The following LRP1 variants were observed in gnomAD, a reference collection of about 807,000 sequenced individuals.
The protein encoded by LRP1 is prolow-density lipoprotein receptor-related protein 1.
LRP1 carries 51 observed loss-of-function variants against 541.5 expected under a neutral mutation model. That is an observed-to-expected ratio of 0.09 (90% CI 0.08 to 0.12). The LOEUF is 0.12. LRP1 is among the 10% of genes least tolerant of loss of function. The pLI, the probability that LRP1 is intolerant of heterozygous loss-of-function variation, is 1.00. For synonymous variants in LRP1, 2,219 were observed against 2,470.8 expected, an observed-to-expected ratio of 0.90 and a Z score of 3.02; for missense variants, 3,878 against 6,376.2, an observed-to-expected ratio of 0.61 and a Z score of 13.34.
rs755512046 is a variant in LRP1 at position 57,202,414 on chromosome 12, C to T, written c.10595-7C>T. 24 of 1,606,688 alleles carry T rather than the reference C, an allele frequency of 1.5e-5. No homozygotes were observed. The highest frequency in any genetic ancestry group is 2.0e-5 in the Non-Finnish European group (23 of 1,173,834). On this transcript the variant is annotated splice_polypyrimidine_tract_variant and splice_region_variant and intron_variant, in intron 67 of 88. Transcript: ENST00000243077. ...TCCCTGACTGCCCTGACACTTGCCT[C>T]CTCCAGATGAACGCACCTGTGAGCC...
At chr12:57,148,974 T>A in intron 6 of LRP1, 2 of 622,294 alleles carry the variant, frequency 3.2e-6, no homozygotes, top group South Asian at 3.7e-5. Flanking sequence ...TTTATTTATT[T>A]TTTTAGTGTG....
Position 57,205,206 on chromosome 12 carries a change from C to T in LRP1, c.11292C>T (p.Phe3764=), listed in dbSNP as rs1435480741. The T allele has an allele frequency of 9.3e-6, 15 of 1,613,776 alleles. No individual in the cohort carries two copies. Among genetic ancestry groups the T allele is most frequent in the East Asian group, 4.5e-5 (2 of 44,890 alleles). The part of the protein sequence containing the change: ...CLSSSLRCNM[F]DDCGDGSDEE... ...CCTCCTCCCTGCGCTGCAACATGTT[C>T]GATGACTGCGGGGACGGCTCTGACG... Residue 3764 remains phenylalanine (F), a synonymous_variant, in exon 73 of 89, where the codon TTC becomes TTT. Transcript: ENST00000243077. This position sits in a 1 kb window ranked among gnomAD's most constrained non-coding sequence, Gnocchi z 4.6.
Position 57,183,916 on chromosome 12 carries a change from A to G in LRP1, c.5929+7A>G, listed in dbSNP as rs1302359004. 6.2e-7 allele frequency: 1 copy of G among 1,613,948 alleles called. No homozygotes were observed. The highest frequency in any genetic ancestry group is 2.2e-5 in the East Asian group (1 of 44,888). Reference sequence around the variant, plus strand: ...GCAGTGGACTGGATCGCAGGTGAGCAGTGGGCAGGTTTGTGGGGCTTGGGG... The same window carrying G: ...GCAGTGGACTGGATCGCAGGTGAGCGGTGGGCAGGTTTGTGGGGCTTGGGG... On this transcript the variant is annotated splice_region_variant and intron_variant, in intron 36 of 88. Transcript: ENST00000243077. The surrounding 1 kb of genome is among the most constrained non-coding windows in gnomAD (Gnocchi z 6.1).
intron 53 of LRP1, 38 bp from the exon 54 acceptor site, chr12:57,195,825 G>C (rs201390934): frequency 1.9e-6 from 3 of 1,614,018 alleles, no homozygotes. Flanking sequence ...CCTCTGCCGG[G>C]CCAGGGCATC....
At position 57,210,156 on chromosome 12, in the gene LRP1, GC is replaced by G. The variant is rs757410385; in HGVS notation, c.12575del (p.Pro4192GlnfsTer150). Reference protein sequence around the residue: ...GTCVPVPSPTPPPDAPRPGTC... With the variant: ...GTCVPVPSPTXPPDAPRPGTC... ...CATGCGTGCCTGTGCCCTCTCCAAC[GC>G]CCCCCCCAGATGGTATGCTTATGCC... On this transcript the variant is annotated frameshift_variant, in exon 81 of 89. Coordinates refer to ENST00000243077, the MANE Select transcript of LRP1 (RefSeq NM_002332.3). LOFTEE classifies it high-confidence loss of function. 1.4e-5 allele frequency: 22 copies of G among 1,598,128 alleles called. No individual in the cohort carries two copies. The highest frequency in any genetic ancestry group is 5.1e-5 in the Admixed American group (3 of 58,666).
intron 67 of LRP1, 164 bp downstream of exon 67, chr12:57,202,069 G>T: frequency 1.2e-6 from 1 of 869,176 alleles, no homozygotes; most frequent in Non-Finnish European, 1.8e-6. Flanking sequence ...GGCCTGGCTG[G>T]AGCTCACTTC....
chr12:57,200,356 CT>C (rs2036622897), intron 62 of LRP1, 85 bp from the exon 63 acceptor site: 3 of 883,646 alleles, frequency 3.4e-6, no homozygotes, highest in Non-Finnish European at 5.6e-6. Context: ...GCCTCAACTT[CT>C]TTGAAACATC....
intron 15 of LRP1, 144 bp downstream of exon 15, chr12:57,163,127 G>C: frequency 3.2e-6 from 4 of 1,235,618 alleles, no homozygotes; most frequent in Non-Finnish European, 2.2e-6. Flanking sequence ...AAGCAAGGGA[G>C]GGGGAGAGCA....
intron 22 of LRP1, 97 bp downstream of exon 22, chr12:57,174,077 C>A: frequency 7.8e-7 from 1 of 1,288,850 alleles, no homozygotes; most frequent in Non-Finnish European, 1.1e-6. Context: ...GAGAGAGCAG[C>A]TCTGGCAGCC....
chr12:57,175,965 C>A lies in LRP1; in HGVS notation c.3850C>A (p.Leu1284Ile), dbSNP rs748808744. 1 of 1,614,270 alleles carries A rather than the reference C, an allele frequency of 6.2e-7. No individual in the cohort carries two copies. Among genetic ancestry groups the A allele is most frequent in the South Asian group, 1.1e-5 (1 of 91,088 alleles). Residue 1284 changes from leucine (L) to isoleucine (I), a missense_variant, in exon 24 of 89, where the codon CTT (leucine) becomes ATT (isoleucine). This residue lies in a region of LRP1 where 320 missense variants were observed against 547.9 expected (regional missense o/e 0.58). Coordinates refer to ENST00000243077, the MANE Select transcript of LRP1 (RefSeq NM_002332.3). ...CCGCCATGAAATCCGGCGCATCGAT[C>A]TTCACAAAGGAGACTACAGCGTCCT... ...SNRHEIRRIDLHKGDYSVLVP... is the reference protein window; with the variant it reads ...SNRHEIRRIDIHKGDYSVLVP...
At chr12:57,130,148 C>T (rs2136644945) in intron 1 of LRP1, among the ~76,000 whole-genome samples, 1 of 152,152 alleles carries the variant, frequency 6.6e-6, no homozygotes, top group Middle Eastern at 3.4e-3. Flanking sequence ...TGGGCTAGGT[C>T]CCTGATTTGA....
chr12:57,211,161 C>T lies in LRP1; in HGVS notation c.12917-15C>T. On this transcript the variant is annotated splice_polypyrimidine_tract_variant and intron_variant, in intron 83 of 88. Transcript: ENST00000243077. This position sits in a 1 kb window ranked among gnomAD's most constrained non-coding sequence, Gnocchi z 4.3. ...GGGTGGGGCTTGAGGCACTTCTCTC[C>T]CTCCCCAACCACAGGGCAGTGCTCT... is the stretch of plus-strand genomic sequence containing the variant. 2.5e-6 allele frequency: 4 copies of T among 1,612,254 alleles called. No individual in the cohort carries two copies. Among genetic ancestry groups the T allele is most frequent in the South Asian group, 1.1e-5 (1 of 91,026 alleles).
chr12:57,145,618 T>A (rs1042787083), intron 6 of LRP1, 128 bp downstream of exon 6: 9 of 1,206,088 alleles, frequency 7.5e-6, no homozygotes, highest in Non-Finnish European at 9.4e-6. Context: ...AGCAGGAGGC[T>A]GGATACAATG....
intron 2 of LRP1, among the ~76,000 whole-genome samples, chr12:57,140,204 T>C (rs777761979): frequency 6.6e-6 from 1 of 152,020 alleles, no homozygotes; most frequent in Non-Finnish European, 1.5e-5. Flanking sequence ...CTTCCCAGAG[T>C]TCTGGGACTA....
intron 50 of LRP1, 99 bp downstream of exon 50, chr12:57,194,798 GCCTTCAA>G (rs2036493276): frequency 7.0e-7 from 1 of 1,430,048 alleles, no homozygotes; most frequent in South Asian, 1.3e-5. Flanking sequence ...GGCATCCAGA[GCCTTCAA>G]CCCCCTGCCC....
chr12:57,199,436 A>G, intron 61 of LRP1, 36 bp downstream of exon 61: 2 of 1,592,484 alleles, frequency 1.3e-6, no homozygotes, highest in Non-Finnish European at 1.7e-6. Flanking sequence ...GCGAACGGTG[A>G]GCCAGGCACC....
chr12:57,146,698 T>C (rs1300888575), intron 6 of LRP1: 1 of 152,350 alleles, frequency 6.6e-6, no homozygotes, highest in Non-Finnish European at 1.5e-5. Flanking sequence ...GATAGCGTCC[T>C]TGGGCTGCTG....
At position 57,180,079 on chromosome 12, in the gene LRP1, G is replaced by T. The variant is rs1166648365; in HGVS notation, c.5174G>T (p.Ser1725Ile). ...TACTGGACCGATGGTGACAACATCA[G>T]CATGGCCAACATGGATGGCAGCAAT... ...KLYWTDGDNI[S>I]MANMDGSNRT... Residue 1725 changes from serine (S) to isoleucine (I), a missense_variant, in exon 31 of 89, where the codon AGC (serine) becomes ATC (isoleucine). Around this residue, in one of 13 missense-constraint regions of LRP1, gnomAD observed 394 missense variants for 635.9 expected, o/e 0.62. Coordinates refer to ENST00000243077, the MANE Select transcript of LRP1 (RefSeq NM_002332.3). 6.2e-7 allele frequency: 1 copy of T among 1,613,974 alleles called. No homozygotes were observed. The highest frequency in any genetic ancestry group is 8.5e-7 in the Non-Finnish European group (1 of 1,180,022).
intron 2 of LRP1, among the ~76,000 whole-genome samples, chr12:57,140,580 A>T (rs1265201055): frequency 6.6e-6 from 1 of 152,282 alleles, no homozygotes; most frequent in East Asian, 1.9e-4. Context: ...GCCACATGTG[A>T]CTGGGCTACG....
Sources: gnomAD v4.1 joint callset for allele counts (sites outside exome capture counted in the v4.1 genomes callset) on GRCh38, gnomAD v4.1.1 for gene constraint, gnomAD v4.1.1 regional missense constraint, Gnocchi (gnomAD v3.1) non-coding constraint, MANE v1.5 for transcripts, NCBI Gene and HGNC (gene_info 2026-07-23, HGNC 2026-07-21) for gene names.